The following PACS1 variants were observed in gnomAD, a reference collection of about 807,000 sequenced individuals.
PACS1 encodes the protein phosphofurin acidic cluster sorting protein 1, also known as PACS-1.
Under a neutral mutation model 115.0 loss-of-function variants are expected in PACS1, and 24 were observed. That is an observed-to-expected ratio of 0.21 (90% confidence interval 0.15 to 0.29). The LOEUF (loss-of-function observed/expected upper bound fraction) is 0.29. Among genes scored for constraint, PACS1 ranks in the 10% least tolerant of loss-of-function variants. The probability of loss-of-function intolerance (pLI) is 1.00; values close to 1 mark genes in which losing one functional copy is unlikely to be tolerated. For missense variants in PACS1, 838 were observed against 1,251.2 expected, an observed-to-expected ratio of 0.67 and a Z score of 4.98; for synonymous variants, 453 against 504.5, an observed-to-expected ratio of 0.90 and a Z score of 1.37.
chr11:66,207,891 C>G (rs537224440), intron 2 of PACS1, among the ~76,000 whole-genome samples: 71 of 152,252 alleles, frequency 4.7e-4, no homozygotes, highest in African/African-American at 1.6e-3. Flanking sequence ...CACACAGCCT[C>G]CTGAGTAGCT....
At chr11:66,187,506 A>G (rs1242403213) in intron 1 of PACS1, among the ~76,000 whole-genome samples, 1 of 151,948 alleles carries the variant, frequency 6.6e-6, no homozygotes, top group Non-Finnish European at 1.5e-5. Context: ...TCTACTTTTT[A>G]CTTCTATGAG....
intron 1 of PACS1, among the ~76,000 whole-genome samples, chr11:66,160,419 A>G (rs1013094828): frequency 6.6e-6 from 1 of 152,168 alleles, no homozygotes; most frequent in African/African-American, 2.4e-5. Context: ...CACCCCCACA[A>G]ATTGTGAAAG....
In PACS1 at chr11:66,099,223, T is replaced by G. The variant is rs569258097; in HGVS notation, c.356+28381T>G. Among the ~76,000 whole-genome samples, 415 of 152,012 alleles carry G rather than the reference T, an allele frequency of 2.7e-3. 3 individuals carry two copies. The highest frequency in any genetic ancestry group is 7.9e-3 in the African/African-American group (327 of 41,472). On this transcript the variant is annotated intron_variant, in intron 1 of 23. Coordinates refer to ENST00000320580, the MANE Select transcript of PACS1 (RefSeq NM_018026.4). ...CACACCGGGCTAATAGTTATTGATT[T>G]ATTTATTTATTTATTTTTGAGACAG...
Position 66,070,486 on chromosome 11 carries a change from C to T in PACS1, c.-1C>T. 7.8e-7 allele frequency: 1 copy of T among 1,285,358 alleles called. No homozygotes were observed. Among genetic ancestry groups the T allele is most frequent in the Non-Finnish European group, 9.8e-7 (1 of 1,022,450 alleles). 79.6% of individuals were successfully genotyped at this position (1,285,358 alleles called of 1,614,324 possible). ...CTCCGTAACCCCCGCCTAGCCGGGC[C>T]ATGGCGGAACGCGGAGGGGCGGGCG... On this transcript the variant is annotated 5_prime_UTR_variant, in exon 1 of 24. Coordinates refer to ENST00000320580, the MANE Select transcript of PACS1 (RefSeq NM_018026.4). The surrounding 1 kb of genome is among the most constrained non-coding windows in gnomAD (Gnocchi z 5.9).
At chr11:66,226,171 CA>C (rs1409308476) in intron 10 of PACS1, among the ~76,000 whole-genome samples, 5 of 152,076 alleles carry the variant, frequency 3.3e-5, no homozygotes, top group Middle Eastern at 3.4e-3. Context: ...GATTCAGTCT[CA>C]AAAAAACAAC....
At chr11:66,239,351 A>G (rs1413651937) in intron 21 of PACS1, 74 bp downstream of exon 21, 6 of 1,538,432 alleles carry the variant, frequency 3.9e-6, no homozygotes, top group Admixed American at 1.9e-5. Flanking sequence ...TGACAGGCGC[A>G]TGGGCTTAGA....
intron 1 of PACS1, among the ~76,000 whole-genome samples, chr11:66,155,334 C>T (rs987262600): frequency 1.3e-5 from 2 of 152,056 alleles, no homozygotes; most frequent in Non-Finnish European, 2.9e-5. Context: ...AGAAAATGTA[C>T]AATATGGGAT....
intron 1 of PACS1, among the ~76,000 whole-genome samples, chr11:66,185,790 A>G (rs1854349910): frequency 6.6e-6 from 1 of 152,202 alleles, no homozygotes; most frequent in Non-Finnish European, 1.5e-5. Flanking sequence ...ACTGCCCTTT[A>G]AAATGGACTT....
At chr11:66,101,038 G>A (rs1466808675) in intron 1 of PACS1, among the ~76,000 whole-genome samples, 5 of 152,048 alleles carry the variant, frequency 3.3e-5, no homozygotes, top group African/African-American at 1.2e-4. Context: ...TCAGGGGGAG[G>A]GTAATTTGTT....
intron 2 of PACS1, among the ~76,000 whole-genome samples, chr11:66,209,403 A>G (rs1178947344): frequency 6.6e-6 from 1 of 151,718 alleles, no homozygotes; most frequent in Non-Finnish European, 1.5e-5. Flanking sequence ...CTGGGAAAAA[A>G]AAGGAACAGT....
intron 1 of PACS1, among the ~76,000 whole-genome samples, chr11:66,154,985 G>A (rs772867818): frequency 2.6e-5 from 4 of 152,184 alleles, no homozygotes; most frequent in African/African-American, 4.8e-5. Flanking sequence ...AGATCCACAC[G>A]TAAATAGACA....
At chr11:66,215,702 G>C (rs1038871197) in intron 4 of PACS1, among the ~76,000 whole-genome samples, 7 of 151,794 alleles carry the variant, frequency 4.6e-5, no homozygotes. Context: ...TTTGAGACCA[G>C]CCTGGCCAAC....
chr11:66,216,228 C>T lies in PACS1; in HGVS notation c.770C>T (p.Pro257Leu). Residue 257 changes from proline (P) to leucine (L), a missense_variant, in exon 5 of 24, where the codon CCC (proline) becomes CTC (leucine). Around this residue, in one of 6 missense-constraint regions of PACS1, gnomAD observed 223 missense variants for 354.0 expected, o/e 0.63. Coordinates refer to ENST00000320580, the MANE Select transcript of PACS1 (RefSeq NM_018026.4). ...AAGATCTACTCCCTGTCCAGCCAACCCATTGACCATGAAGGAATCAAATCC... is the reference window on the plus strand; with the variant it reads ...AAGATCTACTCCCTGTCCAGCCAACTCATTGACCATGAAGGAATCAAATCC... The part of the protein sequence containing the change: ...EIKIYSLSSQ[P>L]IDHEGIKSKL... 6.2e-7 allele frequency: 1 copy of T among 1,614,084 alleles called. No homozygotes were observed. The highest frequency in any genetic ancestry group is 8.5e-7 in the Non-Finnish European group (1 of 1,180,022).
chr11:66,101,816 G>A (rs60415795), intron 1 of PACS1, among the ~76,000 whole-genome samples: 10,487 of 152,226 alleles, frequency 0.069, 553 homozygotes, highest in African/African-American at 0.15. Flanking sequence ...AAAGGGAGAC[G>A]GTTACTGGGG....
chr11:66,096,257 A>G (rs1414607062), intron 1 of PACS1, among the ~76,000 whole-genome samples: 2 of 134,570 alleles, frequency 1.5e-5, no homozygotes, highest in African/African-American at 3.0e-5. Context: ...TCGCTGTGTC[A>G]CCAAGGCTGG....
At chr11:66,193,737 C>G (rs1424887419) in intron 2 of PACS1, among the ~76,000 whole-genome samples, 164 bp downstream of exon 2, 5 of 152,196 alleles carry the variant, frequency 3.3e-5, no homozygotes. Flanking sequence ...CCTTCTGAGC[C>G]CAGCTCTGCC....
intron 1 of PACS1, among the ~76,000 whole-genome samples, chr11:66,074,941 GTT>G (rs71036269): frequency 1.8e-5 from 2 of 114,218 alleles, no homozygotes; most frequent in East Asian, 2.6e-4. Context: ...TTTTTTTGGT[GTT>G]TTTTTTTTTT....
At chr11:66,213,359 G>A (rs1210931585) in intron 4 of PACS1, among the ~76,000 whole-genome samples, 2 of 152,126 alleles carry the variant, frequency 1.3e-5, no homozygotes, top group South Asian at 2.1e-4. Context: ...CTCATCATTC[G>A]TTACATCCTA....
In PACS1 at chr11:66,234,325, G is replaced by A. The variant is rs1158109063; in HGVS notation, c.2104+83G>A. ...GGCTGCAGAAGGAGGCTGAGGTCAT[G>A]CTGCTTTCCTCCCTGCAGCTCTCAC... On this transcript the variant is annotated intron_variant, in intron 17 of 23. Coordinates refer to ENST00000320580, the MANE Select transcript of PACS1 (RefSeq NM_018026.4). 12 of 871,628 alleles carry A rather than the reference G, an allele frequency of 1.4e-5. No homozygotes were observed. In the Admixed American group the frequency reaches 2.1e-4, roughly 15 times the overall value. The allele number at this position is 871,628 out of a possible 1,614,324, so 54.0% of individuals were successfully genotyped here. A position where few individuals can be genotyped will look rare whatever the true frequency, so the allele number is the denominator to read the frequency against.
Sources: gnomAD v4.1 joint callset for allele counts (sites outside exome capture counted in the v4.1 genomes callset) on GRCh38, gnomAD v4.1.1 for gene constraint, gnomAD v4.1.1 regional missense constraint, Gnocchi (gnomAD v3.1) non-coding constraint, MANE v1.5 for transcripts, NCBI Gene and HGNC (gene_info 2026-07-23, HGNC 2026-07-21) for gene names.